The following CCND3 variants were observed in gnomAD, a reference collection of about 807,000 sequenced individuals.
CCND3 encodes the protein G1/S-specific cyclin-D3.
A neutral mutation model predicts 28.7 loss-of-function variants in CCND3; 9 were observed. The ratio of observed to expected loss-of-function variants is 0.31; its 90% CI spans 0.19 to 0.55. The LOEUF (loss-of-function observed/expected upper bound fraction) is 0.55, where lower values mean the gene tolerates loss of function less well. Ranked by LOEUF, CCND3 falls within the 20% of genes least tolerant of loss-of-function variation. The pLI is 0.93. For missense variants in CCND3, 315 were observed against 385.8 expected (o/e 0.82, Z 1.54); for synonymous variants, 164 against 163.9 (o/e 1.00, Z 0.00).
At chr6:42,013,891 G>A (rs1444961033) in intron 1 of CCND3, among the ~76,000 whole-genome samples, 1 of 151,844 alleles carries the variant, frequency 6.6e-6, no homozygotes. Flanking sequence ...GGCTAATATG[G>A]TAAAACTCCA....
Position 41,993,410 on chromosome 6 carries a change from C to CTTTTTT in CCND3, c.-45-52831_-45-52826dup, listed in dbSNP as rs70987558. The stretch of plus-strand genomic sequence containing the variant: ...AATATATTTGTTAAGCTCATGTCTT[C>CTTTTTT]TTTTTTTTTTTTTTTTTTTGAGATG... On this transcript the variant is annotated intron_variant, in intron 1 of 4. Coordinates refer to the CCND3 transcript ENST00000372988. Among the ~76,000 whole-genome samples, 34 of 101,672 alleles carry CTTTTTT rather than the reference C, an allele frequency of 3.3e-4. 1 individual carries two copies. The highest frequency in any genetic ancestry group is 6.9e-4 in the Admixed American group (6 of 8,662). The allele number at this position is 101,672 out of a possible 152,430, so 66.7% of individuals were successfully genotyped here. A position where few individuals can be genotyped will look rare whatever the true frequency, so the allele number is the denominator to read the frequency against.
At position 41,987,503 on chromosome 6, in the gene CCND3, CTCTCTCTCTCTCTCTGTGTGTGTGTG is replaced by C. The variant is rs1337355508; in HGVS notation, c.-45-46944_-45-46919del. ...TCTCTCTCTCTCTCTCTCTCTCTCT[CTCTCTCTCTCTCTCTGTGTGTGTGTG>C]TGTGTGTGTGTGTGTGTGTGTGTGT... On this transcript the variant is annotated intron_variant, in intron 1 of 4. Transcript: ENST00000372988. 2.1e-3 allele frequency among the ~76,000 whole-genome samples: 221 copies of C among 105,842 alleles called. 6 individuals are homozygous for C. In the East Asian group the frequency reaches 0.028, roughly 13 times the overall value. 69.4% of individuals were successfully genotyped at this position (105,842 alleles called of 152,430 possible). A position where few individuals can be genotyped will look rare whatever the true frequency, so the allele number is the denominator to read the frequency against.
chr6:41,995,385 G>C (rs1028561179), intron 1 of CCND3, among the ~76,000 whole-genome samples: 1 of 152,000 alleles, frequency 6.6e-6, no homozygotes, highest in South Asian at 2.1e-4. Flanking sequence ...AGCCTCCCAA[G>C]TAGCTTGGAC....
At chr6:42,024,336 G>T (rs1340275715) in intron 1 of CCND3, among the ~76,000 whole-genome samples, 1 of 151,500 alleles carries the variant, frequency 6.6e-6, no homozygotes, top group East Asian at 1.9e-4. Flanking sequence ...CCAGGAGGCG[G>T]AGCTTGTAGT....
At chr6:42,018,839 C>T (rs570620106) in intron 1 of CCND3, among the ~76,000 whole-genome samples, 11 of 149,090 alleles carry the variant, frequency 7.4e-5, no homozygotes, top group South Asian at 4.2e-4. Flanking sequence ...TGTGGTGAGC[C>T]GAGATCGTGC....
rs1274401907 is a variant in CCND3, at chr6:41,941,711, G to T, written c.-62C>A. On this transcript the variant is annotated 5_prime_UTR_variant, in exon 1 of 5. Transcript: ENST00000372991. The surrounding 1 kb of genome is among the most constrained non-coding windows in gnomAD (Gnocchi z 6.1). ...TCGCGAGTCCCAAGGCAGGCGACGG[G>T]CCGGAGAGCGCGGGGCGCGGGTCTG... is the stretch of plus-strand genomic sequence containing the variant. The T allele has an allele frequency of 1.6e-5, 19 of 1,191,726 alleles. No individual in the cohort carries two copies. Among genetic ancestry groups the T allele is most frequent in the Non-Finnish European group, 2.0e-5 (19 of 930,956 alleles). The allele number at this position is 1,191,726 out of a possible 1,614,324, so 73.8% of individuals were successfully genotyped here. A position where few individuals can be genotyped will look rare whatever the true frequency, so the allele number is the denominator to read the frequency against.
intron 1 of CCND3, among the ~76,000 whole-genome samples, chr6:41,978,187 C>A (rs1324574632): frequency 1.3e-5 from 2 of 151,390 alleles, no homozygotes; most frequent in African/African-American, 4.8e-5. Flanking sequence ...ATCCTGGCTA[C>A]CATGGTGAAA....
chr6:41,963,884 C>T (rs916087062), intron 1 of CCND3, among the ~76,000 whole-genome samples: 3 of 152,194 alleles, frequency 2.0e-5, no homozygotes, highest in East Asian at 3.8e-4. Flanking sequence ...CTCCTTTCCT[C>T]ACTTCCCTCA....
chr6:42,002,656 T>C (rs1763045956), intron 1 of CCND3, among the ~76,000 whole-genome samples: 1 of 150,634 alleles, frequency 6.6e-6, no homozygotes, highest in Non-Finnish European at 1.5e-5. Flanking sequence ...ATTGAGACCA[T>C]CCTGGCTAAC....
chr6:42,013,544 C>T (rs1561986873), intron 1 of CCND3, among the ~76,000 whole-genome samples: 2 of 152,206 alleles, frequency 1.3e-5, no homozygotes, highest in Non-Finnish European at 2.9e-5. Flanking sequence ...TGTTAAGCCA[C>T]ATCTCACCTA....
intron 1 of CCND3, among the ~76,000 whole-genome samples, chr6:41,988,699 C>CTTTTCT: frequency 1.0e-5 from 1 of 96,708 alleles, no homozygotes; most frequent in East Asian, 3.0e-4. Flanking sequence ...AACTTCTTTT[C>CTTTTCT]TTTTTTTTTT....
At chr6:41,954,467 C>G (rs972230816) in intron 1 of CCND3, among the ~76,000 whole-genome samples, 1 of 150,868 alleles carries the variant, frequency 6.6e-6, no homozygotes, top group Non-Finnish European at 1.5e-5. Context: ...AGGAGAATTA[C>G]TTGAACCCTG....
At position 41,941,441 on chromosome 6, in the gene CCND3, C is replaced by T; in HGVS notation, c.198+11G>A. 6.2e-7 allele frequency: 1 copy of T among 1,607,114 alleles called. No individual in the cohort carries two copies. The highest frequency in any genetic ancestry group is 1.1e-5 in the South Asian group (1 of 90,448). On this transcript the variant is annotated intron_variant, in intron 1 of 4. Coordinates refer to ENST00000372991, the MANE Select transcript of CCND3 (RefSeq NM_001760.5). The surrounding 1 kb of genome is among the most constrained non-coding windows in gnomAD (Gnocchi z 6.1). ...GGAGCGGTGGGGGAGGGGGACGCGT[C>T]CGGGCGGTACCTCCAGCATCCAGTA...
At chr6:42,034,051 G>A (rs1561996881) in intron 1 of CCND3, among the ~76,000 whole-genome samples, 1 of 152,042 alleles carries the variant, frequency 6.6e-6, no homozygotes, top group Non-Finnish European at 1.5e-5. Flanking sequence ...TTAGTTACTG[G>A]GGAGGCTAAG....
chr6:41,943,666 T>C (rs1439418482), upstream of CCND3, among the ~76,000 whole-genome samples: 1 of 152,354 alleles, frequency 6.6e-6, no homozygotes, highest in South Asian at 2.1e-4. Context: ...TTATGAAACA[T>C]TCTAAGGCTT....
At chr6:41,950,833 C>T (rs1457561594) in intron 1 of CCND3, among the ~76,000 whole-genome samples, 1 of 151,818 alleles carries the variant, frequency 6.6e-6, no homozygotes, top group Non-Finnish European at 1.5e-5. Context: ...CACAGCCTCC[C>T]GAGTAGCTGG....
chr6:41,979,329 C>T (rs376283719), intron 1 of CCND3, among the ~76,000 whole-genome samples: 4 of 151,722 alleles, frequency 2.6e-5, no homozygotes, highest in East Asian at 1.9e-4. Flanking sequence ...GTCAGGAGAT[C>T]GAGACCATCC....
rs185826127 is a variant in CCND3, at chr6:42,002,212, G to A, written c.-46+46289C>T. ...TGTAATCACAGCACTTTGGGAGGCCGAGGTGGGCGGATCACTTGAGGTCAG... is the reference window on the plus strand; with the variant it reads ...TGTAATCACAGCACTTTGGGAGGCCAAGGTGGGCGGATCACTTGAGGTCAG... On this transcript the variant is annotated intron_variant, in intron 1 of 4. Transcript: ENST00000372988. Among the ~76,000 whole-genome samples, 14 of 152,050 alleles carry A rather than the reference G, an allele frequency of 9.2e-5. No individual in the cohort carries two copies. In the South Asian group the frequency reaches 1.0e-3, roughly 11 times the overall value.
intron 1 of CCND3, among the ~76,000 whole-genome samples, chr6:42,042,651 C>T (rs1053478997): frequency 5.9e-5 from 9 of 152,152 alleles, no homozygotes; most frequent in Non-Finnish European, 1.0e-4. Context: ...TGAGCAACTG[C>T]GCCTGGCTGG....
Sources: gnomAD v4.1 joint callset for allele counts (sites outside exome capture counted in the v4.1 genomes callset) on GRCh38, gnomAD v4.1.1 for gene constraint, Gnocchi (gnomAD v3.1) non-coding constraint, MANE v1.5 for transcripts, NCBI Gene and HGNC (gene_info 2026-07-23, HGNC 2026-07-21) for gene names.